The following SPEF2 variants were observed in gnomAD, a reference collection of about 807,000 sequenced individuals.
SPEF2 encodes sperm flagellar and cilia associated 2.
Under a neutral mutation model 224.6 loss-of-function variants are expected in SPEF2, and 187 were observed. The ratio of observed to expected loss-of-function variants is 0.83; its 90% CI spans 0.74 to 0.94. SPEF2 has a LOEUF of 0.94. SPEF2 is among the 40% of genes least tolerant of loss of function. The pLI is 0.00. For missense variants in SPEF2, 2,170 were observed against 2,135.6 expected (o/e 1.02, Z -0.32); for synonymous variants, 715 against 707.3 (o/e 1.01, Z -0.17).
chr5:35,759,498 C>G, intron 24 of SPEF2, 70 bp from the exon 25 acceptor site: 1 of 1,299,602 alleles, frequency 7.7e-7, no homozygotes, highest in Non-Finnish European at 1.0e-6. Flanking sequence ...CTTTCAGAGG[C>G]TTATATCGGA....
chr5:35,663,090 T>G (rs1477892787), intron 8 of SPEF2, among the ~76,000 whole-genome samples: 1 of 152,178 alleles, frequency 6.6e-6, no homozygotes. Flanking sequence ...TGATTTTGTT[T>G]CTACTTCTTT....
At chr5:35,644,615 T>G in intron 4 of SPEF2, 90 bp downstream of exon 4, 2 of 1,029,680 alleles carry the variant, frequency 1.9e-6, no homozygotes, top group Non-Finnish European at 2.7e-6. Flanking sequence ...TAAGTAGTAG[T>G]GGAGCACAAG....
chr5:35,718,642 C>G (rs1038226034), intron 20 of SPEF2, among the ~76,000 whole-genome samples: 1 of 152,134 alleles, frequency 6.6e-6, no homozygotes, highest in African/African-American at 2.4e-5. Context: ...TCCTCTTACC[C>G]ATGTATGCCT....
chr5:35,674,356 T>C (rs1170014450), intron 10 of SPEF2, among the ~76,000 whole-genome samples: 14 of 148,908 alleles, frequency 9.4e-5, no homozygotes, highest in Non-Finnish European at 6.0e-5. Flanking sequence ...TTTTTTTTTT[T>C]TGGTGTTTCC....
intron 26 of SPEF2, chr5:35,764,587 CCTT>C: frequency 8.8e-6 from 4 of 456,144 alleles, no homozygotes; most frequent in South Asian, 6.2e-5. Context: ...ACATGCCAAG[CCTT>C]CTTCGAGTTT....
At chr5:35,703,067 A>T (rs1738986090) in intron 16 of SPEF2, among the ~76,000 whole-genome samples, 1 of 151,822 alleles carries the variant, frequency 6.6e-6, no homozygotes, top group Non-Finnish European at 1.5e-5. Context: ...AAGAAAAAAA[A>T]AGAGCCATGG....
chr5:35,684,523 A>G (rs561058448), intron 10 of SPEF2, among the ~76,000 whole-genome samples: 2 of 152,316 alleles, frequency 1.3e-5, no homozygotes, highest in African/African-American at 4.8e-5. Context: ...TTTGTGAGGA[A>G]GCAGGCCTTT....
In SPEF2 at chr5:35,776,382, A is replaced by G; in HGVS notation, c.4204A>G (p.Asn1402Asp). ...MEKWLGERYL[N>D]EMASTEKLTD... ...AAAATGGCTTGGTGAGAGGTATTTG[A>G]ATGAAATGGCCAGGTAAAGTACTAC... The change falls in exon 29 of 37, where the codon AAT becomes GAT. Residue 1402 changes from asparagine to aspartate, a missense_variant. Physicochemically the swap from Asn to Asp is conservative, Grantham distance 23. Coordinates refer to ENST00000356031, the MANE Select transcript of SPEF2 (RefSeq NM_024867.4). 6.2e-7 allele frequency: 1 copy of G among 1,608,442 alleles called. No individual in the cohort carries two copies. The highest frequency in any genetic ancestry group is 1.3e-5 in the African/African-American group (1 of 74,844).
chr5:35,689,847 A>G (rs1004223574), intron 10 of SPEF2, among the ~76,000 whole-genome samples: 1 of 152,024 alleles, frequency 6.6e-6, no homozygotes, highest in Admixed American at 6.6e-5. Flanking sequence ...CTTTTTTCCT[A>G]TTATGTTACA....
chr5:35,664,763 GGAGAGAGA>G, intron 8 of SPEF2, among the ~76,000 whole-genome samples: 1 of 142,014 alleles, frequency 7.0e-6, no homozygotes, highest in South Asian at 2.4e-4. Context: ...GAAGGAAGGA[GGAGAGAGA>G]GAGAGAGAGA....
Position 35,740,895 on chromosome 5 carries a change from C to A in SPEF2, c.3330+628C>A, listed in dbSNP as rs568634430. Among the ~76,000 whole-genome samples the A allele has an allele frequency of 2.1e-4, 32 of 152,116 alleles. No individual in the cohort carries two copies. In the South Asian group the frequency reaches 4.4e-3, roughly 21 times the overall value. ...CATCTTTCATTTTAAATTGACACAC[C>A]CCCCCTTATCCCATCAGAGGGATAC... On this transcript the variant is annotated intron_variant, in intron 23 of 36. Transcript: ENST00000356031.
intron 33 of SPEF2, among the ~76,000 whole-genome samples, chr5:35,797,639 G>A (rs1405375010): frequency 6.6e-6 from 1 of 152,128 alleles, no homozygotes. Context: ...AGTCCTATGT[G>A]TCAGTCAACA....
At chr5:35,630,247 C>G (rs1356398318) in intron 2 of SPEF2, among the ~76,000 whole-genome samples, 1 of 152,140 alleles carries the variant, frequency 6.6e-6, no homozygotes, top group East Asian at 1.9e-4. Context: ...ATCTACCATT[C>G]TGGTTTCTGG....
Position 35,692,603 on chromosome 5 carries a change from T to G in SPEF2, c.1778T>G (p.Leu593Arg). ...ATACAGATACTTTCTATTGACACTC[T>G]TGTCCAAGAAGCTATCCAAGCATTT... is the stretch of plus-strand genomic sequence containing the variant. ...FPIQILSIDT[L>R]VQEAIQAFHD... The change falls in exon 12 of 37, where the codon CTT becomes CGT. Residue 593 changes from leucine (L) to arginine (R), a missense_variant. By Grantham distance (102) the Leu-to-Arg change is moderately radical. Coordinates refer to ENST00000356031, the MANE Select transcript of SPEF2 (RefSeq NM_024867.4). 1 of 1,613,304 alleles carries G rather than the reference T, an allele frequency of 6.2e-7. No individual in the cohort carries two copies. Among genetic ancestry groups the G allele is most frequent in the Non-Finnish European group, 8.5e-7 (1 of 1,179,510 alleles).
At chr5:35,697,092 A>G (rs1240369450) in intron 14 of SPEF2, among the ~76,000 whole-genome samples, 1 of 152,218 alleles carries the variant, frequency 6.6e-6, no homozygotes, top group African/African-American at 2.4e-5. Flanking sequence ...GAGCCATACC[A>G]TTTGACATAA....
rs528975025 is a variant in SPEF2 at position 35,700,734 on chromosome 5, C to T, written c.2380C>T (p.Arg794Cys). ...LDVSDTSSMS[R>C]MNDIIAEELS... ...TGTTTCAGATACTTCCTCAATGAGT[C>T]GCATGAATGATATTATAGGTAAGCT... Residue 794 changes from arginine to cysteine, a missense_variant, in exon 16 of 37, where the codon CGC (arginine) becomes TGC (cysteine). Transcript: ENST00000356031. The T allele has an allele frequency of 2.5e-5, 40 of 1,613,684 alleles. No homozygotes were observed. The highest frequency in any genetic ancestry group is 3.2e-5 in the Non-Finnish European group (38 of 1,179,840).
At chr5:35,665,740 C>T (rs1750385421) in intron 8 of SPEF2, among the ~76,000 whole-genome samples, 1 of 151,988 alleles carries the variant, frequency 6.6e-6, no homozygotes, top group Non-Finnish European at 1.5e-5. Flanking sequence ...TGCCATAAAG[C>T]TTTGTACTTA....
chr5:35,758,928 C>T (rs1457888849), intron 24 of SPEF2, among the ~76,000 whole-genome samples: 1 of 134,056 alleles, frequency 7.5e-6, no homozygotes. Flanking sequence ...ATCGCTTGAA[C>T]CTAGGAGGTG....
At chr5:35,659,388 A>G (rs898283492) in intron 8 of SPEF2, among the ~76,000 whole-genome samples, 181 bp downstream of exon 8, 2 of 152,204 alleles carry the variant, frequency 1.3e-5, no homozygotes, top group African/African-American at 2.4e-5. Flanking sequence ...TGTAGCTGCT[A>G]CATAGTACTA....
Sources: gnomAD v4.1 joint callset for allele counts (sites outside exome capture counted in the v4.1 genomes callset) on GRCh38, gnomAD v4.1.1 for gene constraint, MANE v1.5 for transcripts, NCBI Gene and HGNC (gene_info 2026-07-23, HGNC 2026-07-21) for gene names.